The following AGT variants were observed in gnomAD, a reference collection of about 807,000 sequenced individuals.
AGT encodes the protein angiotensinogen.
AGT carries 26 observed loss-of-function variants against 28.1 expected under a neutral mutation model. The observed-to-expected ratio is 0.92, with a 90% CI of 0.68 to 1.28. The LOEUF is 1.28. AGT is among the 50% of genes most tolerant of loss of function. The pLI is 0.00. For synonymous variants in AGT, 259 were observed against 259.6 expected (o/e 1.00, Z 0.02); for missense variants, 596 against 592.3 (o/e 1.01, Z -0.06).
chr1:230,716,345 G>C (rs760614600), upstream of AGT, among the ~76,000 whole-genome samples: 4 of 152,192 alleles, frequency 2.6e-5, no homozygotes, highest in African/African-American at 9.6e-5. Context: ...ATCAGTGGAA[G>C]TTTCTTATGT....
intron 1 of AGT, among the ~76,000 whole-genome samples, chr1:230,738,102 G>T (rs1187520419): frequency 6.6e-6 from 1 of 152,260 alleles, no homozygotes; most frequent in Non-Finnish European, 1.5e-5. Context: ...TTCATCAGCT[G>T]ATGGACAATT....
At chr1:230,737,275 G>A (rs550065344) in intron 1 of AGT, among the ~76,000 whole-genome samples, 1 of 152,122 alleles carries the variant, frequency 6.6e-6, no homozygotes, top group South Asian at 2.1e-4. Flanking sequence ...GCCATGCGTA[G>A]GTGACTACTA....
chr1:230,738,352 A>C (rs773262589), intron 1 of AGT, among the ~76,000 whole-genome samples: 1 of 152,242 alleles, frequency 6.6e-6, no homozygotes, highest in Non-Finnish European at 1.5e-5. Flanking sequence ...ACAAGAAATG[A>C]TGTTTATAAA....
Position 230,707,622 on chromosome 1 carries a change from T to C in AGT, c.830-1422A>G, listed in dbSNP as rs374958309. Among the ~76,000 whole-genome samples, 7 of 152,256 alleles carry C rather than the reference T, an allele frequency of 4.6e-5. 1 individual carries two copies. Among genetic ancestry groups the C allele is most frequent in the African/African-American group, 1.7e-4 (7 of 41,544 alleles). ...GGCATGTGAGCGGGAAACTGCAGGG[T>C]TCCCCTTGCACGTTCCCTGCAGGGA... On this transcript the variant is annotated intron_variant, in intron 2 of 4. Transcript: ENST00000366667.
chr1:230,741,780 TC>T (rs1664252702), intron 1 of AGT, among the ~76,000 whole-genome samples: 2 of 152,124 alleles, frequency 1.3e-5, no homozygotes, highest in Admixed American at 6.5e-5. Context: ...ACAGATAAGC[TC>T]CTTTGCAAAT....
At chr1:230,735,378 C>T (rs1664138937) in intron 1 of AGT, among the ~76,000 whole-genome samples, 1 of 152,232 alleles carries the variant, frequency 6.6e-6, no homozygotes, top group Admixed American at 6.5e-5. Flanking sequence ...ATCAACTTCT[C>T]ATGAGATCCT....
intron 1 of AGT, among the ~76,000 whole-genome samples, chr1:230,729,177 C>T (rs920663629): frequency 6.6e-6 from 1 of 152,198 alleles, no homozygotes; most frequent in African/African-American, 2.4e-5. Context: ...CCACCATGCC[C>T]TTTGACCCCC....
chr1:230,742,945 C>T (rs1276695976), intron 1 of AGT, among the ~76,000 whole-genome samples: 3 of 152,134 alleles, frequency 2.0e-5, no homozygotes, highest in South Asian at 2.1e-4. Context: ...AAATAGTTCT[C>T]CAAAAAGGAG....
chr1:230,709,580 A>C (rs955315646), intron 2 of AGT, among the ~76,000 whole-genome samples: 22 of 152,162 alleles, frequency 1.4e-4, no homozygotes, highest in Admixed American at 6.5e-5. Flanking sequence ...AAGAGATATG[A>C]ACCTGACCCT....
intron 2 of AGT, among the ~76,000 whole-genome samples, chr1:230,708,880 C>T (rs957876915): frequency 1.3e-5 from 2 of 152,180 alleles, no homozygotes; most frequent in Non-Finnish European, 2.9e-5. Context: ...CCAAGCATGG[C>T]GTTCAAAGTG....
intron 1 of AGT, among the ~76,000 whole-genome samples, chr1:230,737,025 G>A (rs768478155): frequency 1.1e-4 from 17 of 152,154 alleles, no homozygotes; most frequent in African/African-American, 2.2e-4. Flanking sequence ...AGGTTTGAAC[G>A]CTGAAGACAG....
At chr1:230,739,977 G>C (rs746742456) in intron 1 of AGT, among the ~76,000 whole-genome samples, 1 of 152,214 alleles carries the variant, frequency 6.6e-6, no homozygotes. Context: ...TCCGTAGGTA[G>C]AGCAGCAGTA....
chr1:230,719,380 T>A (rs1663799135), upstream of AGT, among the ~76,000 whole-genome samples: 2 of 136,182 alleles, frequency 1.5e-5, no homozygotes, highest in Non-Finnish European at 3.0e-5. Context: ...TTTCTTTCTA[T>A]TTTTTATTAT....
At chr1:230,703,448 A>T in intron 4 of AGT, 119 bp from the exon 5 acceptor site, 1 of 1,054,780 alleles carries the variant, frequency 9.5e-7, no homozygotes, top group South Asian at 1.3e-5. Context: ...CTGGAGGGGG[A>T]CATTTTCCAG....
upstream of AGT, among the ~76,000 whole-genome samples, chr1:230,718,168 C>T (rs905733418): frequency 6.6e-6 from 1 of 152,064 alleles, no homozygotes; most frequent in Non-Finnish European, 1.5e-5. Context: ...TGATCTTGAA[C>T]TACTGGTCTC....
chr1:230,727,688 A>C (rs1184189902), intron 1 of AGT, among the ~76,000 whole-genome samples: 1 of 152,240 alleles, frequency 6.6e-6, no homozygotes. Context: ...GAATGGGAAA[A>C]TGACTTCTAG....
intron 1 of AGT, among the ~76,000 whole-genome samples, chr1:230,713,675 C>T (rs1360728892): frequency 6.6e-6 from 1 of 152,168 alleles, no homozygotes; most frequent in Non-Finnish European, 1.5e-5. Flanking sequence ...AGGGTGACCA[C>T]TCTGGGGATC....
rs930070572 is a variant in AGT, at chr1:230,737,408, T to A, written c.-31+8107A>T. ...CTCACTGCAACCTCTGCCTCCCAGGTTCAAGCGATTCCCTGGCCCCAGCTT... is the reference window on the plus strand; with the variant it reads ...CTCACTGCAACCTCTGCCTCCCAGGATCAAGCGATTCCCTGGCCCCAGCTT... On this transcript the variant is annotated intron_variant, in intron 1 of 4. Transcript: ENST00000681269. Among the ~76,000 whole-genome samples, 11 of 152,102 alleles carry A rather than the reference T, an allele frequency of 7.2e-5. No homozygotes were observed. In the East Asian group the frequency reaches 2.1e-3, roughly 29 times the overall value.
intron 1 of AGT, among the ~76,000 whole-genome samples, chr1:230,720,810 G>C (rs946158310): frequency 2.1e-5 from 3 of 145,228 alleles, no homozygotes; most frequent in African/African-American, 7.8e-5. Context: ...AGCCACATGG[G>C]GGACTTTCCC....
Sources: allele counts gnomAD v4.1 joint callset (sites outside exome capture counted in the v4.1 genomes callset), GRCh38; gene constraint gnomAD v4.1.1; transcripts MANE v1.5; gene names NCBI Gene and HGNC (gene_info 2026-07-23, HGNC 2026-07-21).